Variants in CRISP3 observed in about 807,000 individuals in gnomAD.
CRISP3 encodes the protein cysteine-rich secretory protein 3.
In CRISP3, 33 loss-of-function variants were observed where a neutral mutation model predicts 36.1. That is an observed-to-expected ratio of 0.91 (90% CI 0.69 to 1.22). The LOEUF (loss-of-function observed/expected upper bound fraction) is 1.22, where lower values mean the gene tolerates loss of function less well. Ranked by LOEUF, CRISP3 falls within the 50% of genes most tolerant of loss-of-function variation. The probability of loss-of-function intolerance (pLI) is 0.00; values close to 1 mark genes in which losing one functional copy is unlikely to be tolerated. For synonymous variants in CRISP3, 117 were observed against 104.6 expected (o/e 1.12, Z -0.72); for missense variants, 330 against 301.2 (o/e 1.10, Z -0.71).
intron 7 of CRISP3, 127 bp downstream of exon 7, chr6:49,731,036 A>G: frequency 1.6e-6 from 1 of 631,236 alleles, no homozygotes; most frequent in East Asian, 3.1e-5. Flanking sequence ...AGCCAGACAG[A>G]CTTTTTTTTC....
At chr6:49,730,471 C>T (rs1250680220) in intron 7 of CRISP3, among the ~76,000 whole-genome samples, 3 of 151,992 alleles carry the variant, frequency 2.0e-5, no homozygotes, top group African/African-American at 7.3e-5. Context: ...TATTTGGAGT[C>T]CCTGTCTGGA....
chr6:49,736,547 T>C, intron 2 of CRISP3, 40 bp from the exon 3 acceptor site: 1 of 1,400,112 alleles, frequency 7.1e-7, no homozygotes, highest in Middle Eastern at 1.8e-4. Context: ...TTAACATTGT[T>C]GGAAATTGCA....
chr6:49,733,032 CTT>C (rs966471688), intron 6 of CRISP3, among the ~76,000 whole-genome samples, 161 bp downstream of exon 6: 1 of 152,136 alleles, frequency 6.6e-6, no homozygotes, highest in Non-Finnish European at 1.5e-5. Flanking sequence ...GAACTGAAAA[CTT>C]TATCTTTCTG....
chr6:49,741,888 T>C (rs887967793), intron 1 of CRISP3, among the ~76,000 whole-genome samples: 20 of 147,416 alleles, frequency 1.4e-4, no homozygotes, highest in Admixed American at 4.1e-4. Flanking sequence ...TTATATATAA[T>C]AATATAAAAT....
At chr6:49,741,522 A>G (rs1449334202) in intron 1 of CRISP3, among the ~76,000 whole-genome samples, 1 of 152,040 alleles carries the variant, frequency 6.6e-6, no homozygotes, top group Non-Finnish European at 1.5e-5. Flanking sequence ...TCAAAATTAG[A>G]AAATTCATTG....
At chr6:49,730,524 G>A (rs1768889595) in intron 7 of CRISP3, among the ~76,000 whole-genome samples, 1 of 151,976 alleles carries the variant, frequency 6.6e-6, no homozygotes, top group Non-Finnish European at 1.5e-5. Flanking sequence ...ATGTATATTT[G>A]TTTTCCTTTT....
intron 7 of CRISP3, among the ~76,000 whole-genome samples, chr6:49,730,845 CAGT>C (rs1211381152): frequency 6.6e-6 from 1 of 152,100 alleles, no homozygotes; most frequent in Non-Finnish European, 1.5e-5. Flanking sequence ...AGTTCGAGAC[CAGT>C]GTGGCCAACA....
intron 4 of CRISP3, 66 bp downstream of exon 4, chr6:49,735,438 A>G: frequency 4.0e-6 from 5 of 1,255,744 alleles, no homozygotes; most frequent in Non-Finnish European, 5.7e-6. Context: ...TCTTAATGCA[A>G]CATCATAACA....
At position 49,733,272 on chromosome 6, in the gene CRISP3, G is replaced by A; in HGVS notation, c.483C>T (p.Tyr161=). The change falls in exon 6 of 8, where the codon TAC becomes TAT. Residue 161 remains tyrosine, a synonymous_variant. Coordinates refer to ENST00000263045, the MANE Select transcript of CRISP3 (RefSeq NM_006061.4). ...AGTAGGCATTTCCACATCCAACGAG[G>A]TATGAAGAGTACCAAACAACCTATA... is the stretch of plus-strand genomic sequence containing the variant. The part of the protein sequence containing the change: ...HYTQVVWYSS[Y]LVGCGNAYCP... 1 of 1,609,882 alleles carries A rather than the reference G, an allele frequency of 6.2e-7. No homozygotes were observed. Among genetic ancestry groups the A allele is most frequent in the Non-Finnish European group, 8.5e-7 (1 of 1,177,714 alleles).
intron 1 of CRISP3, among the ~76,000 whole-genome samples, chr6:49,740,575 A>ATGTGTGTGTGTG (rs35601509): frequency 7.1e-6 from 1 of 141,456 alleles, no homozygotes; most frequent in Admixed American, 7.1e-5. Context: ...GTGTATATGG[A>ATGTGTGTGTGTG]TGTGTGTGTG....
chr6:49,738,543 G>A (rs1299083733), intron 1 of CRISP3, among the ~76,000 whole-genome samples: 1 of 152,130 alleles, frequency 6.6e-6, no homozygotes, highest in East Asian at 1.9e-4. Flanking sequence ...TTCCTTCTTA[G>A]TTATTCACTG....
intron 3 of CRISP3, among the ~76,000 whole-genome samples, chr6:49,736,005 C>T (rs1335276838): frequency 1.3e-5 from 2 of 152,024 alleles, no homozygotes; most frequent in East Asian, 3.9e-4. Context: ...GTTCGGGAGA[C>T]ATGTGGCCTT....
At chr6:49,736,832 G>A (rs1188609752) in intron 2 of CRISP3, among the ~76,000 whole-genome samples, 1 of 152,006 alleles carries the variant, frequency 6.6e-6, no homozygotes, top group Non-Finnish European at 1.5e-5. Flanking sequence ...GTACATGATA[G>A]TAATTATTAA....
At chr6:49,743,712 A>G (rs1769263038) in intron 1 of CRISP3, among the ~76,000 whole-genome samples, 1 of 152,154 alleles carries the variant, frequency 6.6e-6, no homozygotes, top group African/African-American at 2.4e-5. Context: ...CACGATAGAT[A>G]TTATATTTAA....
At position 49,737,355 on chromosome 6, in the gene CRISP3, C is replaced by T. The variant is rs570570536; in HGVS notation, c.81G>A (p.Leu27=). The T allele has an allele frequency of 6.2e-7, 1 of 1,613,722 alleles. No homozygotes were observed. The highest frequency in any genetic ancestry group is 8.5e-7 in the Non-Finnish European group (1 of 1,179,878). The change falls in exon 2 of 8, where the codon CTG becomes CTA. Residue 27 remains leucine (L), a synonymous_variant. Transcript: ENST00000263045. Reference sequence around the variant, plus strand: ...CTTCATTTGCTGGAAAAGATGGAAGCAGCCCAGCAACCAGGAACAACAGCA... The same window carrying T: ...CTTCATTTGCTGGAAAAGATGGAAGTAGCCCAGCAACCAGGAACAACAGCA... ...FPVLLFLVAG[L]LPSFPANEDK...
intron 1 of CRISP3, among the ~76,000 whole-genome samples, chr6:49,741,238 T>C (rs904920461): frequency 6.6e-6 from 1 of 151,912 alleles, no homozygotes; most frequent in African/African-American, 2.4e-5. Flanking sequence ...TCTCCAGTGC[T>C]CTTATACTCA....
chr6:49,743,841 G>A lies in CRISP3; in HGVS notation c.37+490C>T, dbSNP rs967535419. Among the ~76,000 whole-genome samples, 8 of 151,470 alleles carry A rather than the reference G, an allele frequency of 5.3e-5. No homozygotes were observed. The East Asian group carries it at 1.2e-3, about 22-fold the overall frequency. On this transcript the variant is annotated intron_variant, in intron 1 of 7. Transcript: ENST00000263045. Reference sequence around the variant, plus strand: ...GAGGTAAATTGCATTTTATGTTGATGGTCTTTAATAAAATACTTTTTAATC... The same window carrying A: ...GAGGTAAATTGCATTTTATGTTGATAGTCTTTAATAAAATACTTTTTAATC...
intron 4 of CRISP3, 108 bp from the exon 5 acceptor site, chr6:49,733,956 A>C: frequency 1.0e-6 from 1 of 955,038 alleles, no homozygotes. Context: ...TTTTAAATAC[A>C]GTCCCCAGTA....
Position 49,728,618 on chromosome 6 carries a change from C to G in CRISP3, c.*112G>C, listed in dbSNP as rs865810915. ...AAAACATTTGAAATCAAATGTGTAT[C>G]AAACATGCCTACAATTTCTCAGCTA... is the stretch of plus-strand genomic sequence containing the variant. On this transcript the variant is annotated 3_prime_UTR_variant, in exon 8 of 8. Transcript: ENST00000263045. 1 of 860,336 alleles carries G rather than the reference C, an allele frequency of 1.2e-6. No individual in the cohort carries two copies. Among genetic ancestry groups the G allele is most frequent in the African/African-American group, 1.7e-5 (1 of 57,542 alleles). 53.3% of individuals were successfully genotyped at this position (860,336 alleles called of 1,614,324 possible). A position where few individuals can be genotyped will look rare whatever the true frequency, so the allele number is the denominator to read the frequency against.
Sources: allele counts gnomAD v4.1 joint callset (sites outside exome capture counted in the v4.1 genomes callset), GRCh38; gene constraint gnomAD v4.1.1; transcripts MANE v1.5; gene names NCBI Gene and HGNC (gene_info 2026-07-23, HGNC 2026-07-21).